Variants in TXNRD2 observed in about 807,000 individuals in gnomAD.
TXNRD2 encodes the protein thioredoxin reductase 2.
Under a neutral mutation model 70.8 loss-of-function variants are expected in TXNRD2, and 67 were observed. The observed-to-expected ratio is 0.95, with a 90% confidence interval of 0.78 to 1.16. The LOEUF (loss-of-function observed/expected upper bound fraction) is 1.16. Ranked by LOEUF, TXNRD2 falls within the 50% of genes most tolerant of loss-of-function variation. TXNRD2 has a pLI of 0.00. For synonymous variants in TXNRD2, 301 were observed against 295.8 expected, an observed-to-expected ratio of 1.02 and a Z score of -0.18; for missense variants, 644 against 719.9, an observed-to-expected ratio of 0.89 and a Z score of 1.21.
intron 8 of TXNRD2, among the ~76,000 whole-genome samples, chr22:19,899,820 C>T (rs1939690672): frequency 6.6e-6 from 1 of 152,192 alleles, no homozygotes. Flanking sequence ...TACATTCATT[C>T]ATATATACAT....
intron 3 of TXNRD2, 78 bp from the exon 4 acceptor site, chr22:19,919,082 G>A: frequency 1.3e-6 from 2 of 1,487,604 alleles, no homozygotes; most frequent in Non-Finnish European, 1.8e-6. Context: ...AGAGTGTTTG[G>A]AATTCCTTAA....
At chr22:19,932,533 T>C in intron 1 of TXNRD2, 2 of 1,531,660 alleles carry the variant, frequency 1.3e-6, no homozygotes, top group East Asian at 2.4e-5. Context: ...GGAAGTACAC[T>C]GAACTGGGCC....
chr22:19,941,543 C>G (rs1287447597), intron 1 of TXNRD2, 158 bp downstream of exon 1: 2 of 1,238,880 alleles, frequency 1.6e-6, no homozygotes, highest in Non-Finnish European at 2.1e-6. Flanking sequence ...AGAAGCAGCC[C>G]GGACTCCTGA....
At chr22:19,885,184 C>T (rs951299950) in intron 11 of TXNRD2, among the ~76,000 whole-genome samples, 5 of 152,302 alleles carry the variant, frequency 3.3e-5, no homozygotes, top group South Asian at 4.1e-4. Flanking sequence ...GCCAGGCCAG[C>T]GGATGGCCAC....
chr22:19,913,773 G>T (rs567797780), intron 7 of TXNRD2, among the ~76,000 whole-genome samples: 121 of 152,332 alleles, frequency 7.9e-4, no homozygotes, highest in African/African-American at 2.8e-3. Context: ...GAAGCAGGAA[G>T]TGAAGGCTAG....
At chr22:19,876,973 A>T in intron 17 of TXNRD2, 67 bp downstream of exon 17, 1 of 1,179,742 alleles carries the variant, frequency 8.5e-7, no homozygotes, top group Non-Finnish European at 1.1e-6. Flanking sequence ...GAGGGAGCCC[A>T]TGGCCAGGGC....
At chr22:19,885,771 G>A (rs908208097) in intron 11 of TXNRD2, among the ~76,000 whole-genome samples, 8 of 152,248 alleles carry the variant, frequency 5.3e-5, no homozygotes, top group Non-Finnish European at 1.2e-4. Flanking sequence ...TTGCCTGGCT[G>A]GTCCTGGGAA....
intron 1 of TXNRD2, among the ~76,000 whole-genome samples, chr22:19,932,168 A>C (rs557411348): frequency 7.2e-4 from 109 of 151,284 alleles, no homozygotes; most frequent in Middle Eastern, 3.4e-3. Flanking sequence ...CTCAAAAAAA[A>C]AAAAAAAAAA....
chr22:19,937,073 G>T (rs1173269977), intron 1 of TXNRD2, among the ~76,000 whole-genome samples: 1 of 152,100 alleles, frequency 6.6e-6, no homozygotes, highest in East Asian at 1.9e-4. Flanking sequence ...AGGTCATTTT[G>T]CTTCCTATAG....
chr22:19,901,673 C>T (rs1939784683), intron 8 of TXNRD2, among the ~76,000 whole-genome samples: 1 of 152,166 alleles, frequency 6.6e-6, no homozygotes, highest in Non-Finnish European at 1.5e-5. Flanking sequence ...AGACAGACAC[C>T]AAAGCCTCCA....
In TXNRD2 at chr22:19,914,639, G is replaced by C. The variant is rs1940553747; in HGVS notation, c.591+575C>G. Among the ~76,000 whole-genome samples the C allele has an allele frequency of 4.6e-5, 7 of 152,274 alleles. No homozygotes were observed. The South Asian group carries it at 1.5e-3, about 32-fold the overall frequency. Reference sequence around the variant, plus strand: ...AAGTAGGTGGTGGTTTCTAGGGGCTGGGGGAGGAGGCGCTGGGGAGTAGGG... The same window carrying C: ...AAGTAGGTGGTGGTTTCTAGGGGCTCGGGGAGGAGGCGCTGGGGAGTAGGG... On this transcript the variant is annotated intron_variant, in intron 7 of 17. Transcript: ENST00000400521.
chr22:19,906,795 C>T (rs937864632), intron 8 of TXNRD2, among the ~76,000 whole-genome samples: 10 of 152,126 alleles, frequency 6.6e-5, no homozygotes, highest in Admixed American at 6.6e-4. Context: ...CCAGCACAAG[C>T]TCAGCACAGT....
In TXNRD2 at chr22:19,895,557, G is replaced by T; in HGVS notation, c.799C>A (p.His267Asn). 1 of 1,612,728 alleles carries T rather than the reference G, an allele frequency of 6.2e-7. No individual in the cohort carries two copies. ...DQQMSSMVIE[H>N]MASHGTRFLR... Reference sequence around the variant, plus strand: ...AACCGGGTGCCATGAGATGCCATGTGCTCTATGACCATGGAGGACATTTGC... The same window carrying T: ...AACCGGGTGCCATGAGATGCCATGTTCTCTATGACCATGGAGGACATTTGC... Residue 267 changes from histidine (H) to asparagine (N), a missense_variant, in exon 11 of 18, where the codon CAC (histidine) becomes AAC (asparagine). By Grantham distance (68) the His-to-Asn change is moderately conservative. Transcript: ENST00000400521.
chr22:19,876,853 G>A, intron 17 of TXNRD2, 187 bp downstream of exon 17: 1 of 412,654 alleles, frequency 2.4e-6, no homozygotes, highest in Non-Finnish European at 4.3e-6. Flanking sequence ...CCCCCGGGGA[G>A]GTTTGGGCCC....
At chr22:19,922,559 T>C (rs971702731) in intron 2 of TXNRD2, among the ~76,000 whole-genome samples, 1 of 152,218 alleles carries the variant, frequency 6.6e-6, no homozygotes, top group Non-Finnish European at 1.5e-5. Flanking sequence ...CCTTTTTACC[T>C]ACTTACTCCC....
chr22:19,896,696 C>T (rs949446349), intron 10 of TXNRD2, among the ~76,000 whole-genome samples: 3 of 152,228 alleles, frequency 2.0e-5, no homozygotes, highest in Middle Eastern at 3.2e-3. Context: ...CACGGACCAG[C>T]AGTGAAGCTG....
intron 8 of TXNRD2, among the ~76,000 whole-genome samples, chr22:19,909,214 A>G (rs967329631): frequency 6.6e-6 from 1 of 152,058 alleles, no homozygotes; most frequent in Non-Finnish European, 1.5e-5. Context: ...TCAAAAAAAA[A>G]AAAAAAAAAG....
intron 8 of TXNRD2, among the ~76,000 whole-genome samples, chr22:19,906,393 GC>G (rs1220767762): frequency 6.6e-6 from 1 of 152,164 alleles, no homozygotes; most frequent in African/African-American, 2.4e-5. Flanking sequence ...ACTTTGAGGG[GC>G]CAGGGTGATC....
chr22:19,932,364 C>CTCCATG (rs1198148023), intron 1 of TXNRD2: 1 of 1,612,666 alleles, frequency 6.2e-7, no homozygotes, highest in Admixed American at 1.7e-5. Context: ...CACCTTGGTC[C>CTCCATG]TCCATGGTGG....
Sources: gnomAD v4.1 joint callset for allele counts (sites outside exome capture counted in the v4.1 genomes callset) on GRCh38, gnomAD v4.1.1 for gene constraint, MANE v1.5 for transcripts, NCBI Gene and HGNC (gene_info 2026-07-23, HGNC 2026-07-21) for gene names.